ITK: variants seen among roughly 807,000 people sequenced by gnomAD.
The protein encoded by ITK is IL2 inducible T cell kinase, also known as tyrosine-protein kinase ITK/TSK.
ITK carries 45 observed loss-of-function variants against 87.6 expected under a neutral mutation model. That is an observed-to-expected ratio of 0.51 (90% CI 0.40 to 0.66). ITK has a LOEUF of 0.66. ITK is among the 30% of genes least tolerant of loss of function. The pLI, the probability that ITK is intolerant of heterozygous loss-of-function variation, is 0.00. For synonymous variants in ITK, 303 were observed against 273.6 expected (o/e 1.11, Z -1.06); for missense variants, 605 against 766.3 (o/e 0.79, Z 2.48).
intron 3 of ITK, among the ~76,000 whole-genome samples, chr5:157,212,378 A>T (rs79084532): frequency 6.6e-6 from 1 of 152,190 alleles, no homozygotes; most frequent in Non-Finnish European, 1.5e-5. Context: ...CCTCTATCTG[A>T]AAAAAATGAG....
At chr5:157,200,730 G>A (rs1423692225) in intron 1 of ITK, among the ~76,000 whole-genome samples, 1 of 152,182 alleles carries the variant, frequency 6.6e-6, no homozygotes, top group Non-Finnish European at 1.5e-5. Flanking sequence ...CAACAGAAGA[G>A]CAAGCCTGAG....
At chr5:157,245,841 C>T (rs1298128732) in intron 14 of ITK, 40 bp from the exon 15 acceptor site, 1 of 1,609,322 alleles carries the variant, frequency 6.2e-7, no homozygotes, top group Admixed American at 1.7e-5. Flanking sequence ...GACTGAGGCC[C>T]CCGGAACATT....
chr5:157,223,011 A>G lies in ITK; in HGVS notation c.644A>G (p.Asn215Ser), dbSNP rs926383104. ...EIHWWRVQDR[N>S]GHEGYVPSSY... ...CACTGGTGGAGAGTCCAGGACAGGA[A>G]TGGGTAAGTCATCTTTGTGGCTGCT... is the stretch of plus-strand genomic sequence containing the variant. The change falls in exon 6 of 17, where the codon AAT becomes AGT. Residue 215 changes from asparagine (N) to serine (S), a missense_variant. By Grantham distance (46) the Asn-to-Ser change is conservative. Transcript: ENST00000422843. 1 of 1,614,094 alleles carries G rather than the reference A, an allele frequency of 6.2e-7. No individual in the cohort carries two copies. The highest frequency in any genetic ancestry group is 8.5e-7 in the Non-Finnish European group (1 of 1,180,006).
chr5:157,223,996 C>T (rs547872485), intron 6 of ITK, among the ~76,000 whole-genome samples: 1 of 152,174 alleles, frequency 6.6e-6, no homozygotes, highest in African/African-American at 2.4e-5. Context: ...AAAGTAATCA[C>T]TATTTGGCCG....
chr5:157,250,330 G>A (rs561557481), intron 16 of ITK, among the ~76,000 whole-genome samples: 3 of 152,174 alleles, frequency 2.0e-5, no homozygotes, highest in African/African-American at 4.8e-5. Flanking sequence ...TAGGCTTTTC[G>A]GACTGGTTTC....
intron 2 of ITK, among the ~76,000 whole-genome samples, chr5:157,210,219 T>A (rs1754161336): frequency 6.6e-6 from 1 of 152,142 alleles, no homozygotes; most frequent in Non-Finnish European, 1.5e-5. Context: ...GAGGGTATCT[T>A]TAAAGTCCTT....
At chr5:157,246,222 T>G (rs1027294397) in intron 15 of ITK, among the ~76,000 whole-genome samples, 1 of 152,200 alleles carries the variant, frequency 6.6e-6, no homozygotes, top group African/African-American at 2.4e-5. Context: ...TAATTAAAAG[T>G]GGAAACAAGA....
At chr5:157,191,902 A>C (rs752449253) in intron 1 of ITK, among the ~76,000 whole-genome samples, 11 of 152,232 alleles carry the variant, frequency 7.2e-5, no homozygotes, top group Non-Finnish European at 1.5e-4. Context: ...CCCAAATAGG[A>C]TAATTGTGTC....
intron 6 of ITK, among the ~76,000 whole-genome samples, chr5:157,227,875 G>C (rs1259048964): frequency 7.4e-6 from 1 of 134,468 alleles, no homozygotes; most frequent in African/African-American, 2.9e-5. Context: ...CTGTTGCCCA[G>C]GCTGGAGAGC....
At chr5:157,200,104 G>GAA (rs68138116) in intron 1 of ITK, among the ~76,000 whole-genome samples, 13,503 of 151,350 alleles carry the variant, frequency 0.089, 710 homozygotes, top group African/African-American at 0.14. Context: ...AAGAAGAAAG[G>GAA]AAAGGGGAAA....
At chr5:157,228,192 T>A in intron 6 of ITK, 104 bp from the exon 7 acceptor site, 1 of 772,352 alleles carries the variant, frequency 1.3e-6, no homozygotes, top group Non-Finnish European at 2.3e-6. Context: ...TGCCAAATAA[T>A]GTGATATTCC....
intron 6 of ITK, among the ~76,000 whole-genome samples, chr5:157,226,903 C>A (rs543660815): frequency 1.3e-5 from 2 of 152,134 alleles, no homozygotes; most frequent in Admixed American, 6.5e-5. Flanking sequence ...TGCCCCCACC[C>A]GCCACCACCC....
At chr5:157,216,653 C>G (rs751302515) in intron 4 of ITK, among the ~76,000 whole-genome samples, 1 of 152,062 alleles carries the variant, frequency 6.6e-6, no homozygotes, top group South Asian at 2.1e-4. Flanking sequence ...AAGGGAAAAG[C>G]AAGGCCAGAG....
chr5:157,185,037 C>T (rs964461414), intron 1 of ITK, among the ~76,000 whole-genome samples: 2 of 152,142 alleles, frequency 1.3e-5, no homozygotes, highest in African/African-American at 2.4e-5. Flanking sequence ...ACAGAACCAT[C>T]TCCTGCTTGC....
intron 6 of ITK, among the ~76,000 whole-genome samples, chr5:157,227,303 T>C (rs987819650): frequency 1.3e-5 from 2 of 152,272 alleles, no homozygotes; most frequent in African/African-American, 4.8e-5. Flanking sequence ...CTTTGAAAAC[T>C]ACAAAGTTAT....
At chr5:157,209,927 AT>A (rs34236243) in intron 2 of ITK, among the ~76,000 whole-genome samples, 6,301 of 144,226 alleles carry the variant, frequency 0.044, 294 homozygotes, top group South Asian at 0.21. Context: ...CACTGCAGAA[AT>A]TTTTTTTTTT....
chr5:157,226,853 G>T (rs994065450), intron 6 of ITK, among the ~76,000 whole-genome samples: 8 of 152,072 alleles, frequency 5.3e-5, no homozygotes, highest in African/African-American at 1.7e-4. Context: ...AGGCCAGAGT[G>T]CAGTGGCACG....
At chr5:157,208,859 C>G in intron 1 of ITK, 30 bp from the exon 2 acceptor site, 1 of 1,456,378 alleles carries the variant, frequency 6.9e-7, no homozygotes, top group Non-Finnish European at 9.6e-7. Flanking sequence ...TTCTTTCTTA[C>G]ATGAATGGGA....
intron 4 of ITK, 138 bp downstream of exon 4, chr5:157,214,457 G>A: frequency 1.3e-6 from 1 of 748,950 alleles, no homozygotes; most frequent in Non-Finnish European, 2.3e-6. Flanking sequence ...GGAATCATCT[G>A]TCTTTCCTAC....
Sources: allele counts gnomAD v4.1 joint callset (sites outside exome capture counted in the v4.1 genomes callset), GRCh38; gene constraint gnomAD v4.1.1; transcripts MANE v1.5; gene names NCBI Gene and HGNC (gene_info 2026-07-23, HGNC 2026-07-21).